ST6GALNAC3: variants seen among roughly 807,000 people sequenced by gnomAD.
The protein encoded by ST6GALNAC3 is ST6 N-acetylgalactosaminide alpha-2,6-sialyltransferase 3, also known as alpha-N-acetylgalactosaminide alpha-2,6-sialyltransferase 3.
ST6GALNAC3 carries 25 observed loss-of-function variants against 32.7 expected under a neutral mutation model. The ratio of observed to expected loss-of-function variants is 0.76; its 90% CI spans 0.56 to 1.07. ST6GALNAC3 has a LOEUF of 1.07. Ranked by LOEUF, ST6GALNAC3 falls within the 50% of genes least tolerant of loss-of-function variation. The probability of loss-of-function intolerance (pLI) is 0.00; values close to 1 mark genes in which losing one functional copy is unlikely to be tolerated. For synonymous variants in ST6GALNAC3, 129 were observed against 133.1 expected (o/e 0.97, Z 0.21); for missense variants, 355 against 382.4 (o/e 0.93, Z 0.60).
At chr1:76,392,400 T>G (rs745644878) in intron 2 of ST6GALNAC3, among the ~76,000 whole-genome samples, 21 of 152,364 alleles carry the variant, frequency 1.4e-4, no homozygotes, top group South Asian at 1.2e-3. Flanking sequence ...CATCTTCCTT[T>G]GCATTAGATA....
At chr1:76,322,048 C>T (rs1415963942) in intron 2 of ST6GALNAC3, among the ~76,000 whole-genome samples, 1 of 152,098 alleles carries the variant, frequency 6.6e-6, no homozygotes, top group East Asian at 1.9e-4. Context: ...GTAGAAAAGT[C>T]CCCATTTGCC....
chr1:76,296,897 C>T (rs958292505), intron 1 of ST6GALNAC3, among the ~76,000 whole-genome samples: 1 of 151,940 alleles, frequency 6.6e-6, no homozygotes, highest in Non-Finnish European at 1.5e-5. Flanking sequence ...GCAGTTGCCC[C>T]ATAAATGTGT....
chr1:76,478,389 G>C (rs986578006), intron 3 of ST6GALNAC3, among the ~76,000 whole-genome samples: 1 of 152,184 alleles, frequency 6.6e-6, no homozygotes, highest in African/African-American at 2.4e-5. Context: ...ATATCCTTTT[G>C]TTTTCTGGAG....
chr1:76,304,025 T>C (rs1660888249), intron 1 of ST6GALNAC3, among the ~76,000 whole-genome samples: 1 of 151,932 alleles, frequency 6.6e-6, no homozygotes, highest in South Asian at 2.1e-4. Flanking sequence ...GTGAGATGAA[T>C]TAAGAAAAAA....
intron 1 of ST6GALNAC3, among the ~76,000 whole-genome samples, chr1:76,092,100 TC>T (rs1427916980): frequency 6.6e-6 from 1 of 152,208 alleles, no homozygotes; most frequent in Non-Finnish European, 1.5e-5. Flanking sequence ...CATAAGACCA[TC>T]CTATAGACAG....
intron 1 of ST6GALNAC3, among the ~76,000 whole-genome samples, chr1:76,135,001 G>C (rs1363940933): frequency 5.3e-5 from 8 of 152,196 alleles, no homozygotes; most frequent in Non-Finnish European, 8.8e-5. Flanking sequence ...AATTAGCCAG[G>C]CGTGGTGGCA....
intron 1 of ST6GALNAC3, among the ~76,000 whole-genome samples, chr1:76,214,832 A>G (rs542252218): frequency 1.3e-5 from 2 of 152,278 alleles, no homozygotes; most frequent in East Asian, 1.9e-4. Context: ...CAATGAGTTA[A>G]CCAGTCATGA....
intron 1 of ST6GALNAC3, among the ~76,000 whole-genome samples, chr1:76,274,568 A>G (rs922689655): frequency 2.6e-5 from 4 of 152,184 alleles, no homozygotes; most frequent in African/African-American, 9.7e-5. Flanking sequence ...AGTGAAAGCT[A>G]TTTCTGCAGC....
chr1:76,542,600 T>G (rs149002376), intron 3 of ST6GALNAC3, among the ~76,000 whole-genome samples: 113 of 152,250 alleles, frequency 7.4e-4, no homozygotes, highest in Non-Finnish European at 1.5e-3. Flanking sequence ...TGATGATGCT[T>G]GCTCTCTCTA....
chr1:76,174,952 C>T (rs1414581233), intron 1 of ST6GALNAC3, among the ~76,000 whole-genome samples: 1 of 152,066 alleles, frequency 6.6e-6, no homozygotes, highest in Non-Finnish European at 1.5e-5. Context: ...ACAGGCATGA[C>T]CAACTGCACT....
intron 3 of ST6GALNAC3, among the ~76,000 whole-genome samples, chr1:76,521,415 T>C (rs922469843): frequency 1.3e-5 from 2 of 152,068 alleles, no homozygotes; most frequent in African/African-American, 4.8e-5. Context: ...ACTATGTTGC[T>C]AAGTGGGCAA....
chr1:76,143,263 C>T (rs756568166), intron 1 of ST6GALNAC3, among the ~76,000 whole-genome samples: 13 of 152,138 alleles, frequency 8.5e-5, no homozygotes, highest in Non-Finnish European at 1.8e-4. Flanking sequence ...AGAATTTTTA[C>T]AGTGCCTATA....
chr1:76,500,802 A>G (rs1661132530), intron 3 of ST6GALNAC3, among the ~76,000 whole-genome samples: 1 of 152,226 alleles, frequency 6.6e-6, no homozygotes, highest in East Asian at 1.9e-4. Flanking sequence ...GAGTAACCTC[A>G]TCATTTACTC....
intron 1 of ST6GALNAC3, among the ~76,000 whole-genome samples, chr1:76,292,751 G>A (rs1197428210): frequency 6.6e-6 from 1 of 152,048 alleles, no homozygotes; most frequent in Admixed American, 6.5e-5. Flanking sequence ...CTGGACTCTG[G>A]GCTCCTTGAA....
At chr1:76,469,013 C>T (rs1251217694) in intron 3 of ST6GALNAC3, among the ~76,000 whole-genome samples, 2 of 151,930 alleles carry the variant, frequency 1.3e-5, no homozygotes, top group Non-Finnish European at 2.9e-5. Context: ...AAAGAGAAAG[C>T]CTCACCAAAG....
chr1:76,319,699 C>T (rs933513943), intron 2 of ST6GALNAC3, among the ~76,000 whole-genome samples: 2 of 152,008 alleles, frequency 1.3e-5, no homozygotes, highest in Non-Finnish European at 2.9e-5. Context: ...AATTAAAATC[C>T]GAACATTCCC....
intron 3 of ST6GALNAC3, among the ~76,000 whole-genome samples, chr1:76,475,165 A>G (rs1247847853): frequency 2.0e-5 from 3 of 152,200 alleles, no homozygotes; most frequent in Admixed American, 2.0e-4. Context: ...AATATTTGCA[A>G]GAAGAGCAAA....
At chr1:76,148,579 T>C (rs918104245) in intron 1 of ST6GALNAC3, among the ~76,000 whole-genome samples, 1 of 152,222 alleles carries the variant, frequency 6.6e-6, no homozygotes, top group African/African-American at 2.4e-5. Flanking sequence ...AAACTTATGC[T>C]GGGAAATTGC....
intron 3 of ST6GALNAC3, among the ~76,000 whole-genome samples, chr1:76,448,861 G>T (rs1033361596): frequency 1.5e-4 from 23 of 151,906 alleles, no homozygotes; most frequent in African/African-American, 5.3e-4. Flanking sequence ...TTTGTTTTAT[G>T]GAGTCTCACT....
Sources: allele counts gnomAD v4.1 joint callset (sites outside exome capture counted in the v4.1 genomes callset), GRCh38; gene constraint gnomAD v4.1.1; transcripts MANE v1.5; gene names NCBI Gene and HGNC (gene_info 2026-07-23, HGNC 2026-07-21).